Variants in TMEM108 observed in about 807,000 individuals in gnomAD.
The protein encoded by TMEM108 is transmembrane protein 108.
A neutral mutation model predicts 35.1 loss-of-function variants in TMEM108; 12 were observed. The ratio of observed to expected loss-of-function variants is 0.34; its 90% CI spans 0.22 to 0.55. The LOEUF (loss-of-function observed/expected upper bound fraction) is 0.55, where lower values mean the gene tolerates loss of function less well. TMEM108 is among the 20% of genes least tolerant of loss of function. The pLI, the probability that TMEM108 is intolerant of heterozygous loss-of-function variation, is 0.89. For synonymous variants in TMEM108, 287 were observed against 308.6 expected (o/e 0.93, Z 0.73); for missense variants, 680 against 753.3 (o/e 0.90, Z 1.14).
In TMEM108 at chr3:133,278,355, A is replaced by T. The variant is rs1302386861; in HGVS notation, c.40+49004A>T. 2.0e-5 allele frequency among the ~76,000 whole-genome samples: 3 copies of T among 152,378 alleles called. No individual in the cohort carries two copies. The East Asian group carries it at 5.8e-4, about 29-fold the overall frequency. ...ATTGCTTTATTTGTAAAATGGGGAC[A>T]CTGGTGTTCCATATAGTTGGTGGAT... On this transcript the variant is annotated intron_variant, in intron 3 of 5. Coordinates refer to ENST00000321871, the MANE Select transcript of TMEM108 (RefSeq NM_023943.4).
chr3:133,271,704 G>A (rs919146016), intron 3 of TMEM108, among the ~76,000 whole-genome samples: 9 of 152,140 alleles, frequency 5.9e-5, no homozygotes, highest in Middle Eastern at 3.2e-3. Flanking sequence ...AGGAGTCAGA[G>A]GAGACAAAGC....
chr3:133,362,304 G>T (rs939084672), intron 3 of TMEM108, among the ~76,000 whole-genome samples: 2 of 152,280 alleles, frequency 1.3e-5, no homozygotes, highest in African/African-American at 4.8e-5. Flanking sequence ...GGGTGAAAAA[G>T]GCTTTTGTAG....
chr3:133,342,771 G>T (rs1238421080), intron 3 of TMEM108, among the ~76,000 whole-genome samples: 2 of 150,694 alleles, frequency 1.3e-5, no homozygotes, highest in Admixed American at 6.6e-5. Flanking sequence ...TGGAAGTAGG[G>T]AGAAGAGAAT....
chr3:133,287,393 G>T (rs141422872), intron 3 of TMEM108, among the ~76,000 whole-genome samples: 2 of 152,200 alleles, frequency 1.3e-5, no homozygotes, highest in Admixed American at 6.5e-5. Flanking sequence ...ATCTAATGCA[G>T]TATATCATGC....
At chr3:133,161,727 G>A (rs973072648) in intron 2 of TMEM108, among the ~76,000 whole-genome samples, 1 of 150,464 alleles carries the variant, frequency 6.6e-6, no homozygotes, top group Non-Finnish European at 1.5e-5. Flanking sequence ...CAAAGTGAGA[G>A]GGTGTATTTT....
intron 3 of TMEM108, chr3:133,246,849 C>G (rs1946393402): frequency 6.6e-6 from 1 of 152,258 alleles, no homozygotes; most frequent in South Asian, 2.1e-4. Flanking sequence ...TTAGCAGATT[C>G]TACCAGCAAC....
At chr3:133,232,065 C>G (rs1946161666) in intron 3 of TMEM108, among the ~76,000 whole-genome samples, 1 of 152,190 alleles carries the variant, frequency 6.6e-6, no homozygotes, top group Non-Finnish European at 1.5e-5. Context: ...CTCTGCTGCC[C>G]TTATAGCTAA....
chr3:133,342,035 A>T (rs573392643), intron 3 of TMEM108, among the ~76,000 whole-genome samples: 1 of 151,928 alleles, frequency 6.6e-6, no homozygotes, highest in Non-Finnish European at 1.5e-5. Context: ...AACAAATGGG[A>T]TCACTTCAAG....
intron 2 of TMEM108, among the ~76,000 whole-genome samples, chr3:133,168,357 G>C (rs900866874): frequency 2.6e-5 from 4 of 152,164 alleles, no homozygotes; most frequent in Non-Finnish European, 5.9e-5. Context: ...TCTAGTGAGG[G>C]CCTTCTTGCT....
At chr3:133,089,176 C>T (rs1042982134) in intron 2 of TMEM108, among the ~76,000 whole-genome samples, 2 of 152,158 alleles carry the variant, frequency 1.3e-5, no homozygotes, top group Admixed American at 6.5e-5. Context: ...AATCCAATCA[C>T]CTCCCACCAG....
At chr3:133,203,620 C>G (rs549139847) in intron 2 of TMEM108, among the ~76,000 whole-genome samples, 1 of 152,142 alleles carries the variant, frequency 6.6e-6, no homozygotes, top group African/African-American at 2.4e-5. Context: ...TATGTTGAAC[C>G]AGCCTTGCAT....
In TMEM108 at chr3:133,068,142, C is replaced by T. The variant is rs554408053; in HGVS notation, c.-47+22122C>T. 1.6e-4 allele frequency among the ~76,000 whole-genome samples: 25 copies of T among 151,806 alleles called. No individual in the cohort carries two copies. The South Asian group carries it at 5.0e-3, about 30-fold the overall frequency. ...ATATATTAATATGTTAATGTTATCT[C>T]TTAAAGGTCCCACCTCCCAACACTG... is the stretch of plus-strand genomic sequence containing the variant. On this transcript the variant is annotated intron_variant, in intron 2 of 5. Transcript: ENST00000321871.
intron 4 of TMEM108, among the ~76,000 whole-genome samples, chr3:133,383,496 C>A (rs2073065850): frequency 6.6e-6 from 1 of 152,188 alleles, no homozygotes; most frequent in South Asian, 2.1e-4. Context: ...GAGATATGGG[C>A]CTCCCTCTTT....
chr3:133,147,184 G>T (rs1372784450), intron 2 of TMEM108, among the ~76,000 whole-genome samples: 1 of 152,112 alleles, frequency 6.6e-6, no homozygotes, highest in Non-Finnish European at 1.5e-5. Flanking sequence ...AGGTTTCAAA[G>T]AACTTATTTA....
intron 1 of TMEM108, among the ~76,000 whole-genome samples, chr3:133,042,811 C>T (rs1205229048): frequency 6.6e-6 from 1 of 152,202 alleles, no homozygotes; most frequent in Non-Finnish European, 1.5e-5. Context: ...GATGCAAGCT[C>T]AGGACTCAAT....
chr3:133,231,603 C>T (rs1209079792), intron 3 of TMEM108, among the ~76,000 whole-genome samples: 4 of 152,208 alleles, frequency 2.6e-5, no homozygotes, highest in Middle Eastern at 3.4e-3. Context: ...CAGAATAATA[C>T]GCATGCCACA....
At chr3:133,148,785 C>T (rs1486195230) in intron 2 of TMEM108, among the ~76,000 whole-genome samples, 1 of 152,004 alleles carries the variant, frequency 6.6e-6, no homozygotes, top group East Asian at 1.9e-4. Flanking sequence ...CACTTGAGCC[C>T]AGGAGTTTGT....
chr3:133,073,532 A>ATATATT (rs1324857078), intron 2 of TMEM108, among the ~76,000 whole-genome samples: 2 of 134,408 alleles, frequency 1.5e-5, no homozygotes, highest in African/African-American at 5.7e-5. Context: ...ATATATATAT[A>ATATATT]TATCACATTT....
At chr3:133,066,107 T>C (rs9817813) in intron 2 of TMEM108, among the ~76,000 whole-genome samples, 97,405 of 151,884 alleles carry the variant, frequency 0.64, 31,998 homozygotes, top group African/African-American at 0.79. Context: ...ACATTCCTTA[T>C]TAGATTCCCA....
Sources: allele counts gnomAD v4.1 joint callset (sites outside exome capture counted in the v4.1 genomes callset), GRCh38; gene constraint gnomAD v4.1.1; transcripts MANE v1.5; gene names NCBI Gene and HGNC (gene_info 2026-07-23, HGNC 2026-07-21).